The following PTPRD variants were observed in gnomAD, a reference collection of about 807,000 sequenced individuals.
PTPRD encodes receptor-type tyrosine-protein phosphatase delta.
A neutral mutation model predicts 214.5 loss-of-function variants in PTPRD; 34 were observed. The observed-to-expected ratio is 0.16, with a 90% confidence interval of 0.12 to 0.21. The LOEUF (loss-of-function observed/expected upper bound fraction) is 0.21, where lower values mean the gene tolerates loss of function less well. Among genes scored for constraint, PTPRD ranks in the 10% least tolerant of loss-of-function variants. The pLI, the probability that PTPRD is intolerant of heterozygous loss-of-function variation, is 1.00. For missense variants in PTPRD, 2,545 were observed against 2,398.7 expected (o/e 1.06, Z -1.27); for synonymous variants, 1,128 against 845.7 (o/e 1.33, Z -5.79).
At chr9:9,501,943 A>G (rs1034940496) in intron 8 of PTPRD, among the ~76,000 whole-genome samples, 8 of 151,860 alleles carry the variant, frequency 5.3e-5, no homozygotes, top group Non-Finnish European at 1.0e-4. Context: ...AGGGAACTTT[A>G]GGAAATCTTT....
intron 12 of PTPRD, among the ~76,000 whole-genome samples, chr9:8,641,671 A>G (rs1213802878): frequency 6.6e-6 from 1 of 152,228 alleles, no homozygotes; most frequent in African/African-American, 2.4e-5. Flanking sequence ...CAAAGACTGT[A>G]CATTCTCAGG....
At chr9:10,145,254 T>G (rs549640383) in intron 3 of PTPRD, among the ~76,000 whole-genome samples, 1 of 151,936 alleles carries the variant, frequency 6.6e-6, no homozygotes, top group Non-Finnish European at 1.5e-5. Flanking sequence ...CAGATTAAAA[T>G]GAATGCTTGC....
At chr9:9,027,881 T>A (rs2099592428) in intron 10 of PTPRD, among the ~76,000 whole-genome samples, 1 of 151,984 alleles carries the variant, frequency 6.6e-6, no homozygotes, top group South Asian at 2.1e-4. Flanking sequence ...TACTAACAGT[T>A]CTTGTCATAT....
intron 9 of PTPRD, among the ~76,000 whole-genome samples, chr9:9,186,914 A>T (rs946455158): frequency 6.6e-6 from 1 of 151,906 alleles, no homozygotes; most frequent in Non-Finnish European, 1.5e-5. Flanking sequence ...GCTTAGAATA[A>T]TTTTTTTATA....
chr9:9,281,240 A>T, intron 9 of PTPRD, among the ~76,000 whole-genome samples: 1 of 151,236 alleles, frequency 6.6e-6, no homozygotes, highest in East Asian at 2.0e-4. Context: ...TCAGTGAAAT[A>T]AATAATTGAT....
At chr9:10,503,844 C>T (rs1362878660) in intron 2 of PTPRD, among the ~76,000 whole-genome samples, 2 of 151,750 alleles carry the variant, frequency 1.3e-5, no homozygotes, top group South Asian at 2.1e-4. Flanking sequence ...AGGCTGGGCG[C>T]GGGGGCTCAC....
At chr9:9,764,349 G>C (rs890307774) in intron 6 of PTPRD, among the ~76,000 whole-genome samples, 2 of 152,106 alleles carry the variant, frequency 1.3e-5, no homozygotes, top group African/African-American at 4.8e-5. Flanking sequence ...TGTGCAACAT[G>C]AAGACCCCTT....
chr9:10,153,891 G>T (rs2099077517), intron 3 of PTPRD, among the ~76,000 whole-genome samples: 1 of 152,060 alleles, frequency 6.6e-6, no homozygotes, highest in Admixed American at 6.6e-5. Flanking sequence ...TACCATTGAT[G>T]GGCATGTAAG....
chr9:9,093,827 C>T (rs2154433655), intron 10 of PTPRD, among the ~76,000 whole-genome samples: 3 of 150,192 alleles, frequency 2.0e-5, no homozygotes, highest in Middle Eastern at 6.9e-3. Context: ...AAAGAGCGGA[C>T]ATAAATAATA....
At chr9:9,791,983 G>T (rs1432469116) in intron 5 of PTPRD, among the ~76,000 whole-genome samples, 3 of 152,022 alleles carry the variant, frequency 2.0e-5, no homozygotes, top group Non-Finnish European at 1.5e-5. Flanking sequence ...TGCATCTAGA[G>T]TTCTGTTGTC....
intron 10 of PTPRD, among the ~76,000 whole-genome samples, chr9:9,132,108 C>T (rs1045411130): frequency 4.6e-5 from 7 of 152,014 alleles, no homozygotes; most frequent in Admixed American, 4.6e-4. Context: ...CCCGGGTTCA[C>T]GCCGTTCTCC....
Position 8,373,741 on chromosome 9 carries a change from G to A in PTPRD, c.4661+2195C>T, listed in dbSNP as rs114547221. On this transcript the variant is annotated intron_variant, in intron 39 of 45. Coordinates refer to ENST00000381196, the MANE Select transcript of PTPRD (RefSeq NM_002839.4). Reference sequence around the variant, plus strand: ...TTGCAAACATTTTTGTATCTGTCACGGTGCCTAGCATGAAACCCATACCTT... The same window carrying A: ...TTGCAAACATTTTTGTATCTGTCACAGTGCCTAGCATGAAACCCATACCTT... 4.8e-3 allele frequency among the ~76,000 whole-genome samples: 729 copies of A among 150,816 alleles called. 7 individuals are homozygous for A. The highest frequency in any genetic ancestry group is 0.017 in the African/African-American group (695 of 40,964).
chr9:8,832,832 G>A (rs892623980), intron 11 of PTPRD, among the ~76,000 whole-genome samples: 12 of 151,650 alleles, frequency 7.9e-5, no homozygotes, highest in African/African-American at 2.9e-4. Flanking sequence ...TTTTCAGATT[G>A]CATGAGGCTT....
chr9:10,323,547 C>A (rs1185409872), intron 3 of PTPRD, among the ~76,000 whole-genome samples: 1 of 151,442 alleles, frequency 6.6e-6, no homozygotes, highest in Admixed American at 6.6e-5. Flanking sequence ...CTCAAGAGAT[C>A]CTCCTGCCTC....
chr9:10,521,481 T>C (rs76387307), intron 2 of PTPRD, among the ~76,000 whole-genome samples: 4,755 of 152,246 alleles, frequency 0.031, 215 homozygotes, highest in African/African-American at 0.11. Context: ...TTCCATAAAC[T>C]TAGTAAATAA....
chr9:9,946,809 G>T (rs756077522), intron 4 of PTPRD, among the ~76,000 whole-genome samples: 1 of 152,022 alleles, frequency 6.6e-6, no homozygotes, highest in Non-Finnish European at 1.5e-5. Flanking sequence ...GGATTTTAAC[G>T]ATAGAATTAA....
chr9:8,882,881 T>G (rs1380923047), intron 11 of PTPRD, among the ~76,000 whole-genome samples: 2 of 38,464 alleles, frequency 5.2e-5, no homozygotes, highest in African/African-American at 1.8e-4. Context: ...CAAGGCTCTG[T>G]CTCAAAAAAA....
chr9:10,590,131 T>A (rs2075055414), intron 2 of PTPRD, among the ~76,000 whole-genome samples: 1 of 151,992 alleles, frequency 6.6e-6, no homozygotes, highest in Non-Finnish European at 1.5e-5. Flanking sequence ...TGAGCACTAG[T>A]ATAAAGTGAT....
At chr9:9,052,596 T>C (rs796655801) in intron 10 of PTPRD, among the ~76,000 whole-genome samples, 5 of 152,264 alleles carry the variant, frequency 3.3e-5, no homozygotes, top group African/African-American at 1.2e-4. Context: ...GTCATACAGT[T>C]AAGAGAAAAT....
Sources: gnomAD v4.1 joint callset for allele counts (sites outside exome capture counted in the v4.1 genomes callset) on GRCh38, gnomAD v4.1.1 for gene constraint, MANE v1.5 for transcripts, NCBI Gene and HGNC (gene_info 2026-07-23, HGNC 2026-07-21) for gene names.